Variants in ALDH16A1 observed in about 807,000 individuals in gnomAD.
The protein encoded by ALDH16A1 is aldehyde dehydrogenase 16 family member A1.
ALDH16A1 carries 88 observed loss-of-function variants against 96.1 expected under a neutral mutation model. The observed-to-expected ratio is 0.92, with a 90% CI of 0.77 to 1.09. The LOEUF is 1.09. Among genes scored for constraint, ALDH16A1 ranks in the 50% least tolerant of loss-of-function variants. The probability of loss-of-function intolerance (pLI) is 0.00; values close to 1 mark genes in which losing one functional copy is unlikely to be tolerated. For missense variants in ALDH16A1, 1,250 were observed against 1,112.6 expected (o/e 1.12, Z -1.76); for synonymous variants, 522 against 496.4 (o/e 1.05, Z -0.69).
rs757371629 is a variant in ALDH16A1, at chr19:49,453,422, G to C, written c.90+1G>C. The stretch of plus-strand genomic sequence containing the variant: ...GCCGGAGAGCCACGCATGCGCACTG[G>C]TGAGAGTCTGCCCGGCCGGCGCTGC... On this transcript the variant is annotated splice_donor_variant, in intron 1 of 16. Transcript: ENST00000293350. LOFTEE classifies it high-confidence loss of function. 2.2e-5 allele frequency: 34 copies of C among 1,539,834 alleles called. No individual in the cohort carries two copies. Among genetic ancestry groups the C allele is most frequent in the Non-Finnish European group, 3.0e-5 (34 of 1,142,278 alleles).
chr19:49,464,623 C>G lies in ALDH16A1; in HGVS notation c.1438-9C>G. The stretch of plus-strand genomic sequence containing the variant: ...CCCTTGCATCCTCTTGACACCGTCC[C>G]TCTCACAGGGGCTGTATGAGTATCT... On this transcript the variant is annotated splice_polypyrimidine_tract_variant and intron_variant, in intron 11 of 16. Transcript: ENST00000293350. 3.1e-6 allele frequency: 5 copies of G among 1,614,162 alleles called. No individual in the cohort carries two copies. Among genetic ancestry groups the G allele is most frequent in the Non-Finnish European group, 4.2e-6 (5 of 1,180,020 alleles).
intron 4 of ALDH16A1, 52 bp from the exon 5 acceptor site, chr19:49,460,770 G>C (rs1330336562): frequency 1.6e-5 from 25 of 1,526,408 alleles, no homozygotes; most frequent in Non-Finnish European, 2.2e-5. Flanking sequence ...GCCCAGGCTG[G>C]ACTTAAACAC....
intron 7 of ALDH16A1, among the ~76,000 whole-genome samples, 184 bp downstream of exon 7, chr19:49,462,220 C>T (rs1193668415): frequency 1.4e-5 from 1 of 70,094 alleles, no homozygotes; most frequent in Non-Finnish European, 3.0e-5. Context: ...GCAACCTCTG[C>T]CTCCCAGGTT....
rs2079237489 is a variant in ALDH16A1, at chr19:49,470,559, T to G, written c.*92T>G. 1.5e-6 allele frequency: 2 copies of G among 1,373,294 alleles called. No homozygotes were observed. Among genetic ancestry groups the G allele is most frequent in the Non-Finnish European group, 1.9e-6 (2 of 1,050,890 alleles). The allele number at this position is 1,373,294 out of a possible 1,614,324, so 85.1% of individuals were successfully genotyped here. On this transcript the variant is annotated 3_prime_UTR_variant, in exon 17 of 17. Transcript: ENST00000293350. Reference sequence around the variant, plus strand: ...TGGGACTTTCCCCTTCTGGTTCCTGTGTCTCCCAATAAACTCTCTGACCAA... The same window carrying G: ...TGGGACTTTCCCCTTCTGGTTCCTGGGTCTCCCAATAAACTCTCTGACCAA...
Position 49,465,791 on chromosome 19 carries a change from C to T in ALDH16A1, c.1622C>T (p.Ala541Val). 4 of 1,614,124 alleles carry T rather than the reference C, an allele frequency of 2.5e-6. No individual in the cohort carries two copies. The highest frequency in any genetic ancestry group is 3.4e-6 in the Non-Finnish European group (4 of 1,179,996). The change falls in exon 13 of 17, where the codon GCC (alanine) becomes GTC (valine). Residue 541 changes from alanine (A) to valine (V), a missense_variant. By Grantham distance (64) the Ala-to-Val change is moderately conservative. Coordinates refer to ENST00000293350, the MANE Select transcript of ALDH16A1 (RefSeq NM_153329.4). Reference sequence around the variant, plus strand: ...GGGGGCCGTTTCCAGGCTCCTGGGGCCCGAAGCTCCAGGCCCATCCGGGAT... The same window carrying T: ...GGGGGCCGTTTCCAGGCTCCTGGGGTCCGAAGCTCCAGGCCCATCCGGGAT... ...FVGGRFQAPG[A>V]RSSRPIRDSS...
At position 49,463,889 on chromosome 19, in the gene ALDH16A1, A is replaced by G; in HGVS notation, c.1134A>G (p.Pro378=). ...FQAGDVPSER[P]FYPPTLVSNL... is the part of the protein sequence containing the mutation. Reference sequence around the variant, plus strand: ...CTGGTGATGTGCCTTCGGAACGCCCATTCTATCCCCCAACCTTGGTCTCCA... The same window carrying G: ...CTGGTGATGTGCCTTCGGAACGCCCGTTCTATCCCCCAACCTTGGTCTCCA... Residue 378 remains proline (P), a synonymous_variant, in exon 9 of 17, where the codon CCA becomes CCG. Transcript: ENST00000293350. 1 of 1,613,376 alleles carries G rather than the reference A, an allele frequency of 6.2e-7. No individual in the cohort carries two copies.
At chr19:49,467,989 C>T (rs1343763567) in intron 14 of ALDH16A1, among the ~76,000 whole-genome samples, 1 of 150,404 alleles carries the variant, frequency 6.6e-6, no homozygotes, top group Non-Finnish European at 1.5e-5. Context: ...CCCGTCTCTA[C>T]TAAATATACA....
intron 14 of ALDH16A1, among the ~76,000 whole-genome samples, chr19:49,466,515 T>C (rs2079200495): frequency 6.6e-6 from 1 of 152,144 alleles, no homozygotes; most frequent in Non-Finnish European, 1.5e-5. Flanking sequence ...AGCGACCCAT[T>C]CCTGGACCCT....
rs551553088 is a variant in ALDH16A1, at chr19:49,462,438, C to T, written c.913-132C>T. 1,190 of 1,196,052 alleles carry T rather than the reference C, an allele frequency of 9.9e-4. 11 individuals carry two copies. The highest frequency in any genetic ancestry group is 7.2e-3 in the Middle Eastern group (24 of 3,340). The allele number at this position is 1,196,052 out of a possible 1,614,324, so 74.1% of individuals were successfully genotyped here. ...GTGTGAGCCACCGCATCCGGCCTCT[C>T]TGTTCTTTAGGACTCTGTTGATTTA... On this transcript the variant is annotated intron_variant, in intron 7 of 16. Transcript: ENST00000293350.
intron 1 of ALDH16A1, among the ~76,000 whole-genome samples, chr19:49,456,023 C>A (rs1275794073): frequency 6.6e-6 from 1 of 152,184 alleles, no homozygotes; most frequent in Non-Finnish European, 1.5e-5. Context: ...CCAATAGCTC[C>A]TGTCTTTTCC....
intron 16 of ALDH16A1, chr19:49,469,203 C>G (rs762062500): frequency 1.8e-6 from 1 of 552,156 alleles, no homozygotes; most frequent in Non-Finnish European, 3.0e-6. Context: ...CCAAAGACCT[C>G]GTCTCAGGGG....
In ALDH16A1 at chr19:49,464,162, C is replaced by T; in HGVS notation, c.1230C>T (p.Arg410=). The change falls in exon 10 of 17, where the codon CGC becomes CGT. Residue 410 remains arginine, a synonymous_variant. Transcript: ENST00000293350. ...CTGTGGTCGTGGCCTCCCCCTTCCG[C>T]ACAGCCAAGGAGGCACTGTTGGTGG... The part of the protein sequence containing the change: ...PWPVVVASPF[R]TAKEALLVAN... The T allele has an allele frequency of 6.2e-7, 1 of 1,608,844 alleles. No individual in the cohort carries two copies. The highest frequency in any genetic ancestry group is 8.5e-7 in the Non-Finnish European group (1 of 1,179,522).
intron 4 of ALDH16A1, 130 bp from the exon 5 acceptor site, chr19:49,460,692 G>A (rs2079134181): frequency 1.3e-6 from 1 of 766,748 alleles, no homozygotes; most frequent in African/African-American, 1.8e-5. Flanking sequence ...GAGATTACAG[G>A]CGTGAGCCAC....
At chr19:49,467,301 G>A (rs1244813038) in intron 14 of ALDH16A1, among the ~76,000 whole-genome samples, 1 of 152,082 alleles carries the variant, frequency 6.6e-6, no homozygotes, top group African/African-American at 2.4e-5. Flanking sequence ...GATTATAGGC[G>A]TGAGCCACTG....
chr19:49,464,870 C>G (rs2079185507), intron 12 of ALDH16A1, 108 bp downstream of exon 12: 2 of 1,530,126 alleles, frequency 1.3e-6, no homozygotes, highest in African/African-American at 1.4e-5. Flanking sequence ...CAAACCATCT[C>G]TTAGTCCTGC....
At chr19:49,469,384 G>A (rs2079226326) in intron 16 of ALDH16A1, 1 of 158,052 alleles carries the variant, frequency 6.3e-6, no homozygotes, top group African/African-American at 2.4e-5. Context: ...TGAGTAGCTG[G>A]GACCACAGGC....
rs145863674 is a variant in ALDH16A1, at chr19:49,470,359, G to C, written c.2301G>C (p.Ala767=). Residue 767 remains alanine, a synonymous_variant, in exon 17 of 17, where the codon GCG becomes GCC. Transcript: ENST00000293350. ...CAGGAAACCTCAAACCGGTGTGGGC[G>C]AGCAGGGGCTGCCCGCGGGCCTGGG... The part of the protein sequence containing the change: ...ASAGNLKPVW[A]SRGCPRAWDQ... 6.2e-7 allele frequency: 1 copy of C among 1,613,274 alleles called. No homozygotes were observed. Among genetic ancestry groups the C allele is most frequent in the East Asian group, 2.2e-5 (1 of 44,834 alleles).
chr19:49,456,426 G>A (rs375238986), intron 1 of ALDH16A1, among the ~76,000 whole-genome samples: 2 of 151,848 alleles, frequency 1.3e-5, no homozygotes, highest in Non-Finnish European at 2.9e-5. Context: ...TTACTCTGTC[G>A]CCCAGGCTAG....
In ALDH16A1 at chr19:49,466,245, TG is replaced by T. The variant is rs1462501220; in HGVS notation, c.1906del (p.Ala636ProfsTer12). The T allele has an allele frequency of 2.0e-6, 3 of 1,484,122 alleles. No homozygotes were observed. Among genetic ancestry groups the T allele is most frequent in the Non-Finnish European group, 1.8e-6 (2 of 1,116,770 alleles). 91.9% of individuals were successfully genotyped at this position (1,484,122 alleles called of 1,614,324 possible). A position where few individuals can be genotyped will look rare whatever the true frequency, so the allele number is the denominator to read the frequency against. On this transcript the variant is annotated frameshift_variant, in exon 14 of 17. Transcript: ENST00000293350. LOFTEE classifies it high-confidence loss of function. ...VELSARRLRA[W>X]GARVQAQGHT... ...GCTGAGCGCAAGACGACTTCGGGCG[TG>T]GGGGGCCCGGGTGCAGGCCCAAGGC...
Sources: allele counts gnomAD v4.1 joint callset (sites outside exome capture counted in the v4.1 genomes callset), GRCh38; gene constraint gnomAD v4.1.1; transcripts MANE v1.5; gene names NCBI Gene and HGNC (gene_info 2026-07-23, HGNC 2026-07-21).